Variants in ADCY2 observed in about 807,000 individuals in gnomAD.
The protein encoded by ADCY2 is adenylate cyclase 2.
A neutral mutation model predicts 125.2 loss-of-function variants in ADCY2; 31 were observed. The ratio of observed to expected loss-of-function variants is 0.25; its 90% CI spans 0.19 to 0.33. The LOEUF is 0.33. Among genes scored for constraint, ADCY2 ranks in the 10% least tolerant of loss-of-function variants. ADCY2 has a pLI of 1.00. For synonymous variants in ADCY2, 512 were observed against 548.4 expected, an observed-to-expected ratio of 0.93 and a Z score of 0.93; for missense variants, 904 against 1,418.2, an observed-to-expected ratio of 0.64 and a Z score of 5.82.
At chr5:7,817,844 AAAAAAAAAAG>A (rs1259576477) in intron 23 of ADCY2, among the ~76,000 whole-genome samples, 1 of 150,630 alleles carries the variant, frequency 6.6e-6, no homozygotes, top group African/African-American at 2.4e-5. Flanking sequence ...AAAAAAAAAA[AAAAAAAAAAG>A]TAACGTTTAC....
At chr5:7,636,408 G>A (rs575490555) in intron 4 of ADCY2, among the ~76,000 whole-genome samples, 30 of 152,370 alleles carry the variant, frequency 2.0e-4, no homozygotes, top group African/African-American at 7.2e-4. Context: ...TGCTGTGACT[G>A]AGAGAAGGTC....
intron 3 of ADCY2, chr5:7,522,584 G>C (rs1214268160): frequency 6.6e-6 from 1 of 151,994 alleles, no homozygotes; most frequent in African/African-American, 2.4e-5. Context: ...TATGGGTCAG[G>C]GTGGTGAGCA....
chr5:7,639,136 A>G (rs1738609299), intron 4 of ADCY2, among the ~76,000 whole-genome samples: 1 of 152,168 alleles, frequency 6.6e-6, no homozygotes, highest in Admixed American at 6.5e-5. Context: ...CAGCAGTGTG[A>G]AAATGGACTA....
At chr5:7,724,043 C>G (rs1741854980) in intron 12 of ADCY2, among the ~76,000 whole-genome samples, 1 of 141,356 alleles carries the variant, frequency 7.1e-6, no homozygotes, top group Non-Finnish European at 1.5e-5. Context: ...GAAGCAAAAC[C>G]TTCTCACCCA....
chr5:7,799,780 CG>C (rs2126518589), intron 20 of ADCY2: 1 of 152,406 alleles, frequency 6.6e-6, no homozygotes, highest in South Asian at 2.1e-4. Context: ...GGATGAGGGT[CG>C]TTTGGTCAGT....
intron 22 of ADCY2, among the ~76,000 whole-genome samples, chr5:7,807,776 G>A (rs957069790): frequency 6.6e-6 from 1 of 151,988 alleles, no homozygotes; most frequent in African/African-American, 2.4e-5. Flanking sequence ...TGGAAACAGG[G>A]CCCCAACCCT....
At chr5:7,787,329 C>T (rs970288081) in intron 19 of ADCY2, among the ~76,000 whole-genome samples, 2 of 152,212 alleles carry the variant, frequency 1.3e-5, no homozygotes, top group African/African-American at 2.4e-5. Flanking sequence ...TCAAATCCCC[C>T]CTCCTTTCTC....
intron 2 of ADCY2, among the ~76,000 whole-genome samples, chr5:7,422,632 C>G (rs1337133094): frequency 6.6e-6 from 1 of 152,304 alleles, no homozygotes; most frequent in African/African-American, 2.4e-5. Context: ...GCAGGGAGAC[C>G]ATACTGAAGT....
chr5:7,540,971 A>C (rs1734976362), intron 3 of ADCY2, among the ~76,000 whole-genome samples: 1 of 152,182 alleles, frequency 6.6e-6, no homozygotes, highest in Admixed American at 6.5e-5. Flanking sequence ...TCACTCTCTC[A>C]GCTGAGAACG....
chr5:7,778,262 T>C (rs1185393881), intron 18 of ADCY2, among the ~76,000 whole-genome samples: 1 of 152,244 alleles, frequency 6.6e-6, no homozygotes, highest in Non-Finnish European at 1.5e-5. Context: ...CTGAGTTTTT[T>C]TTCTTACAGA....
At chr5:7,674,155 T>C (rs376467258) in intron 4 of ADCY2, among the ~76,000 whole-genome samples, 1 of 152,150 alleles carries the variant, frequency 6.6e-6, no homozygotes, top group East Asian at 1.9e-4. Flanking sequence ...ACGGCATCAC[T>C]CCTTGCACTT....
chr5:7,452,353 C>G (rs1208362738), intron 2 of ADCY2, among the ~76,000 whole-genome samples: 1 of 152,150 alleles, frequency 6.6e-6, no homozygotes, highest in East Asian at 1.9e-4. Flanking sequence ...GAACATACAG[C>G]ATTTGGTTTT....
At chr5:7,726,375 T>C (rs932616376) in intron 13 of ADCY2, among the ~76,000 whole-genome samples, 3 of 152,146 alleles carry the variant, frequency 2.0e-5, no homozygotes, top group African/African-American at 7.2e-5. Context: ...TAGGGGCTGT[T>C]GTGTGGATTG....
chr5:7,804,701 C>G lies in ADCY2; in HGVS notation c.2883+9C>G. The stretch of plus-strand genomic sequence containing the variant: ...GCCAGGAGCACTCCCAGGTAAGACG[C>G]GTTGGCCACTTAACGGCACAGGTGA... On this transcript the variant is annotated intron_variant, in intron 22 of 24. Transcript: ENST00000338316. 2 of 1,610,114 alleles carry G rather than the reference C, an allele frequency of 1.2e-6. No homozygotes were observed. The highest frequency in any genetic ancestry group is 1.7e-6 in the Non-Finnish European group (2 of 1,176,406).
At chr5:7,766,312 A>G (rs1047564780) in intron 16 of ADCY2, among the ~76,000 whole-genome samples, 3 of 152,154 alleles carry the variant, frequency 2.0e-5, no homozygotes, top group Non-Finnish European at 2.9e-5. Context: ...TACTGGGGGG[A>G]AAAAAGCATT....
chr5:7,447,470 G>A (rs1741309605), intron 2 of ADCY2, among the ~76,000 whole-genome samples: 2 of 152,186 alleles, frequency 1.3e-5, no homozygotes, highest in Non-Finnish European at 2.9e-5. Context: ...GGACCTCAGG[G>A]CCTGTCCAGC....
chr5:7,687,283 C>T (rs1175426851), intron 4 of ADCY2, among the ~76,000 whole-genome samples: 1 of 152,132 alleles, frequency 6.6e-6, no homozygotes, highest in African/African-American at 2.4e-5. Context: ...AAAAGGATTA[C>T]TATATTTGAT....
chr5:7,504,614 T>A (rs1469803499), intron 2 of ADCY2, among the ~76,000 whole-genome samples: 1 of 151,170 alleles, frequency 6.6e-6, no homozygotes. Flanking sequence ...TTCTTTTTTC[T>A]TTCTTTTTTT....
At chr5:7,637,431 CAAAAAAAAAAA>C (rs71591740) in intron 4 of ADCY2, among the ~76,000 whole-genome samples, 1 of 74,638 alleles carries the variant, frequency 1.3e-5, no homozygotes, top group Non-Finnish European at 2.9e-5. Flanking sequence ...GACTCCGTCT[CAAAAAAAAAAA>C]AAAAAAAAAG....
Sources: gnomAD v4.1 joint callset for allele counts (sites outside exome capture counted in the v4.1 genomes callset) on GRCh38, gnomAD v4.1.1 for gene constraint, MANE v1.5 for transcripts, NCBI Gene and HGNC (gene_info 2026-07-23, HGNC 2026-07-21) for gene names.